RANBP2: variants seen among roughly 807,000 people sequenced by gnomAD.
The protein encoded by RANBP2 is E3 SUMO-protein ligase RanBP2.
In RANBP2, 57 loss-of-function variants were observed where a neutral mutation model predicts 303.6. That is an observed-to-expected ratio of 0.19 (90% CI 0.15 to 0.23). RANBP2 has a LOEUF of 0.23. Among genes scored for constraint, RANBP2 ranks in the 10% least tolerant of loss-of-function variants. The pLI is 1.00. For missense variants in RANBP2, 3,138 were observed against 3,780.8 expected, an observed-to-expected ratio of 0.83 and a Z score of 4.46; for synonymous variants, 1,167 against 1,301.5, an observed-to-expected ratio of 0.90 and a Z score of 2.23.
the RANBP2 span, among the ~76,000 whole-genome samples, chr2:109,215,757 C>G: frequency 2.0e-5 from 3 of 152,100 alleles, no homozygotes; most frequent in Non-Finnish European, 4.4e-5. Flanking sequence ...GGGGACATCG[C>G]TGCACAGTTG....
the RANBP2 span, among the ~76,000 whole-genome samples, chr2:109,150,133 G>A: frequency 1.3e-5 from 2 of 152,184 alleles, no homozygotes; most frequent in Admixed American, 6.5e-5. Context: ...AAAAGGTGGT[G>A]TAGAGGAAGT....
the RANBP2 span, among the ~76,000 whole-genome samples, chr2:109,138,877 A>G: frequency 4.1e-4 from 62 of 152,238 alleles, no homozygotes; most frequent in African/African-American, 1.4e-3. Flanking sequence ...TGGAATATAC[A>G]TTGTTCACAA....
chr2:109,034,058 C>G, the RANBP2 span, among the ~76,000 whole-genome samples: 1 of 150,784 alleles, frequency 6.6e-6, no homozygotes, highest in African/African-American at 2.4e-5. Flanking sequence ...ATCACAAGGT[C>G]AAGAGATGGA....
the RANBP2 span, among the ~76,000 whole-genome samples, chr2:109,411,304 A>G: frequency 6.6e-6 from 1 of 152,206 alleles, no homozygotes; most frequent in Non-Finnish European, 1.5e-5. Context: ...TCCCAATTAC[A>G]GTCATTTAAA....
At chr2:109,443,342 C>T in the RANBP2 span, among the ~76,000 whole-genome samples, 1 of 152,172 alleles carries the variant, frequency 6.6e-6, no homozygotes, top group Non-Finnish European at 1.5e-5. Context: ...CTGTGTTGCC[C>T]CCTATCGGCT....
rs1677007096 is a variant in RANBP2, at chr2:108,764,890, T to C, written c.4351T>C (p.Phe1451Leu). ...TKSANKSGSSFVHQASFKFGQ... is the reference protein window; with the variant it reads ...TKSANKSGSSLVHQASFKFGQ... Reference sequence around the variant, plus strand: ...ATCTGCTAACAAAAGTGGATCTTCATTTGTTCATCAAGCTTCATTTAAATT... The same window carrying C: ...ATCTGCTAACAAAAGTGGATCTTCACTTGTTCATCAAGCTTCATTTAAATT... The change falls in exon 20 of 29, where the codon TTT (phenylalanine) becomes CTT (leucine). Residue 1451 changes from phenylalanine (F) to leucine (L), a missense_variant. By Grantham distance (22) the Phe-to-Leu change is conservative. Transcript: ENST00000283195. The C allele has an allele frequency of 6.2e-7, 1 of 1,613,926 alleles. No homozygotes were observed.
chr2:109,072,449 G>A, the RANBP2 span, among the ~76,000 whole-genome samples: 1 of 152,190 alleles, frequency 6.6e-6, no homozygotes, highest in African/African-American at 2.4e-5. Flanking sequence ...ACATGCTTGG[G>A]AGAGCACCAA....
chr2:108,863,306 C>G, the RANBP2 span, among the ~76,000 whole-genome samples: 1 of 152,178 alleles, frequency 6.6e-6, no homozygotes, highest in Non-Finnish European at 1.5e-5. Context: ...TCTGTTTTCT[C>G]AGTTACAAGC....
chr2:109,487,757 T>C, the RANBP2 span, among the ~76,000 whole-genome samples: 2 of 151,658 alleles, frequency 1.3e-5, no homozygotes, highest in Non-Finnish European at 2.9e-5. Context: ...GCCCACCGAG[T>C]CCCTCTCTAC....
the RANBP2 span, among the ~76,000 whole-genome samples, chr2:109,466,601 A>G: frequency 6.6e-6 from 1 of 151,746 alleles, no homozygotes; most frequent in African/African-American, 2.4e-5. Context: ...CAATTTATTA[A>G]CTATTTCATG....
At chr2:109,043,243 A>C in the RANBP2 span, among the ~76,000 whole-genome samples, 5 of 152,220 alleles carry the variant, frequency 3.3e-5, no homozygotes, top group African/African-American at 1.2e-4. Flanking sequence ...TTTGTACGTA[A>C]ATTTTGATTT....
the RANBP2 span, among the ~76,000 whole-genome samples, chr2:109,257,710 A>G: frequency 1.3e-5 from 2 of 152,244 alleles, no homozygotes; most frequent in African/African-American, 4.8e-5. Flanking sequence ...CCTGAAGTAG[A>G]CAGTTAGAGC....
chr2:109,410,886 T>G, the RANBP2 span, among the ~76,000 whole-genome samples: 3 of 152,184 alleles, frequency 2.0e-5, no homozygotes, highest in African/African-American at 7.2e-5. Flanking sequence ...AGGATGAACA[T>G]CTGTCTGAGG....
the RANBP2 span, among the ~76,000 whole-genome samples, chr2:109,276,206 TC>T: frequency 6.6e-6 from 1 of 152,190 alleles, no homozygotes; most frequent in Admixed American, 6.5e-5. Context: ...TTCTCCCACA[TC>T]ACCATATGTG....
the RANBP2 span, among the ~76,000 whole-genome samples, chr2:109,101,885 G>A: frequency 2.6e-5 from 4 of 152,128 alleles, no homozygotes; most frequent in African/African-American, 7.2e-5. Flanking sequence ...AAGTGGATTC[G>A]ATAAGTGCTT....
At chr2:109,692,935 C>T in the RANBP2 span, among the ~76,000 whole-genome samples, 1 of 151,084 alleles carries the variant, frequency 6.6e-6, no homozygotes, top group Admixed American at 6.6e-5. Context: ...TCTCGTGCCT[C>T]AGCCTCCTGA....
chr2:109,579,286 ATCT>A, the RANBP2 span, among the ~76,000 whole-genome samples: 8 of 152,092 alleles, frequency 5.3e-5, no homozygotes, highest in Non-Finnish European at 1.0e-4. Context: ...TAAACTCAAA[ATCT>A]TCTTAGAAAA....
At chr2:109,300,319 A>G in the RANBP2 span, among the ~76,000 whole-genome samples, 3 of 152,110 alleles carry the variant, frequency 2.0e-5, no homozygotes, top group African/African-American at 7.2e-5. Flanking sequence ...AGCTGGGACT[A>G]TAGTCGCACG....
the RANBP2 span, among the ~76,000 whole-genome samples, chr2:108,816,321 C>T: frequency 3.9e-5 from 6 of 151,958 alleles, no homozygotes; most frequent in Non-Finnish European, 5.9e-5. Context: ...CATTTTGGCA[C>T]GTGCCTGTAA....
Sources: allele counts gnomAD v4.1 joint callset (sites outside exome capture counted in the v4.1 genomes callset), GRCh38; gene constraint gnomAD v4.1.1; transcripts MANE v1.5; gene names NCBI Gene and HGNC (gene_info 2026-07-23, HGNC 2026-07-21).